The following FHIT variants were observed in gnomAD, a reference collection of about 807,000 sequenced individuals.
The protein encoded by FHIT is fragile histidine triad diadenosine triphosphatase.
FHIT carries 19 observed loss-of-function variants against 17.9 expected under a neutral mutation model. That is an observed-to-expected ratio of 1.06 (90% CI 0.74 to 1.56). FHIT has a LOEUF of 1.56. Among genes scored for constraint, FHIT ranks in the 40% most tolerant of loss-of-function variants. FHIT has a pLI of 0.00. For missense variants in FHIT, 248 were observed against 189.2 expected, an observed-to-expected ratio of 1.31 and a Z score of -1.82; for synonymous variants, 81 against 69.7, an observed-to-expected ratio of 1.16 and a Z score of -0.81.
intron 5 of FHIT, among the ~76,000 whole-genome samples, chr3:60,430,729 T>TA: frequency 6.6e-6 from 1 of 152,142 alleles, no homozygotes; most frequent in Non-Finnish European, 1.5e-5. Flanking sequence ...TTGATGACTC[T>TA]AAGCTTTTAC....
intron 4 of FHIT, among the ~76,000 whole-genome samples, chr3:60,800,657 C>T (rs940318235): frequency 6.6e-5 from 10 of 152,140 alleles, no homozygotes; most frequent in Middle Eastern, 3.2e-3. Flanking sequence ...AAATAGTGCC[C>T]TCAGGAGAAA....
chr3:60,886,357 T>G (rs760662132), intron 3 of FHIT, among the ~76,000 whole-genome samples: 6 of 152,224 alleles, frequency 3.9e-5, no homozygotes, highest in Non-Finnish European at 7.3e-5. Context: ...TGAGAAGAAC[T>G]TGAAAAACTA....
intron 3 of FHIT, among the ~76,000 whole-genome samples, chr3:60,889,047 C>A (rs1323944364): frequency 6.6e-6 from 1 of 152,114 alleles, no homozygotes; most frequent in Admixed American, 6.6e-5. Context: ...TACTCCACCC[C>A]GACTCATTCC....
intron 8 of FHIT, among the ~76,000 whole-genome samples, chr3:59,871,208 G>T (rs1197711135): frequency 1.3e-5 from 2 of 152,162 alleles, no homozygotes; most frequent in African/African-American, 4.8e-5. Flanking sequence ...GCAAGGAAGT[G>T]TGTACTCTGC....
intron 5 of FHIT, among the ~76,000 whole-genome samples, chr3:60,129,337 T>C (rs940173510): frequency 3.9e-5 from 6 of 152,146 alleles, no homozygotes; most frequent in Non-Finnish European, 7.4e-5. Flanking sequence ...CCACTGTGCC[T>C]GGCCTCTTCT....
intron 4 of FHIT, among the ~76,000 whole-genome samples, chr3:60,596,743 C>A (rs889627993): frequency 1.3e-5 from 2 of 152,160 alleles, no homozygotes; most frequent in Admixed American, 6.6e-5. Context: ...GGTAGAGACT[C>A]TGGAGTGTGA....
At chr3:60,178,377 G>A (rs570953055) in intron 5 of FHIT, among the ~76,000 whole-genome samples, 1 of 151,984 alleles carries the variant, frequency 6.6e-6, no homozygotes, top group Non-Finnish European at 1.5e-5. Flanking sequence ...ACCTCAGGTC[G>A]GGAGTTCGAG....
At chr3:61,214,766 C>G (rs1195317498) in intron 1 of FHIT, among the ~76,000 whole-genome samples, 2 of 152,228 alleles carry the variant, frequency 1.3e-5, no homozygotes, top group Admixed American at 6.5e-5. Context: ...CAATAAAATA[C>G]TGGCAAACCG....
At chr3:60,117,961 T>C (rs976352470) in intron 5 of FHIT, among the ~76,000 whole-genome samples, 1 of 152,166 alleles carries the variant, frequency 6.6e-6, no homozygotes, top group African/African-American at 2.4e-5. Context: ...GAATCACCTG[T>C]GGAGTTTGTT....
chr3:60,516,132 T>A (rs572824104), intron 5 of FHIT, among the ~76,000 whole-genome samples: 1 of 152,312 alleles, frequency 6.6e-6, no homozygotes, highest in South Asian at 2.1e-4. Flanking sequence ...CTTCACGCTG[T>A]TGAAAAATTG....
chr3:60,012,254 G>GT (rs1411614250), intron 6 of FHIT, among the ~76,000 whole-genome samples: 22 of 132,326 alleles, frequency 1.7e-4, no homozygotes, highest in East Asian at 7.6e-4. Flanking sequence ...TAAATCAGGT[G>GT]TTTTTTTTGT....
At position 60,156,314 on chromosome 3, in the gene FHIT, C is replaced by A. The variant is rs982218241; in HGVS notation, c.104-142162G>T. Reference sequence around the variant, plus strand: ...GCAGTGAGCCGAGATTGTGCCACTGCACTCCAGCCTGGGTGACAGAGTGAG... The same window carrying A: ...GCAGTGAGCCGAGATTGTGCCACTGAACTCCAGCCTGGGTGACAGAGTGAG... On this transcript the variant is annotated intron_variant, in intron 5 of 9. Transcript: ENST00000492590. 2.7e-5 allele frequency among the ~76,000 whole-genome samples: 4 copies of A among 149,772 alleles called. 1 individual carries two copies. The East Asian group carries it at 7.9e-4, about 30-fold the overall frequency.
intron 2 of FHIT, among the ~76,000 whole-genome samples, chr3:61,115,657 G>A (rs1388183680): frequency 3.9e-5 from 6 of 152,134 alleles, no homozygotes; most frequent in South Asian, 2.1e-4. Context: ...TAAAAGGATG[G>A]AAGTGCCATT....
At chr3:60,962,778 C>G (rs782011247) in intron 3 of FHIT, among the ~76,000 whole-genome samples, 1 of 152,174 alleles carries the variant, frequency 6.6e-6, no homozygotes, top group Non-Finnish European at 1.5e-5. Context: ...AGGGATGAAG[C>G]CAACTTGATC....
intron 3 of FHIT, among the ~76,000 whole-genome samples, chr3:60,834,904 T>C (rs1553743523): frequency 2.0e-5 from 3 of 151,840 alleles, no homozygotes; most frequent in African/African-American, 7.2e-5. Context: ...AAAAACTCTT[T>C]CACGGTGCAA....
intron 2 of FHIT, among the ~76,000 whole-genome samples, chr3:61,178,460 C>T (rs1273084462): frequency 1.3e-5 from 2 of 149,636 alleles, no homozygotes; most frequent in East Asian, 3.9e-4. Flanking sequence ...AAAACCATTA[C>T]GTATGTGGCC....
intron 8 of FHIT, among the ~76,000 whole-genome samples, chr3:59,777,035 C>A (rs1702357829): frequency 6.6e-6 from 1 of 152,160 alleles, no homozygotes; most frequent in African/African-American, 2.4e-5. Flanking sequence ...GCTCACTGTG[C>A]TCTCGTCACA....
At chr3:60,547,984 A>G (rs1179550650) in intron 4 of FHIT, among the ~76,000 whole-genome samples, 2 of 152,138 alleles carry the variant, frequency 1.3e-5, no homozygotes, top group Non-Finnish European at 2.9e-5. Context: ...TTAACATCCA[A>G]CTAAAGTAAC....
chr3:60,737,875 C>T lies in FHIT; in HGVS notation c.-18+84044G>A, dbSNP rs528987191. On this transcript the variant is annotated intron_variant, in intron 4 of 9. Transcript: ENST00000492590. ...TTTTATTGATTTTCCCCTAACCTAA[C>T]CCCAAAGCAAGGCCATTTACATAAG... 2.6e-4 allele frequency among the ~76,000 whole-genome samples: 39 copies of T among 152,278 alleles called. 1 individual carries two copies. Among genetic ancestry groups the T allele is most frequent in the African/African-American group, 8.9e-4 (37 of 41,558 alleles).
Sources: gnomAD v4.1 joint callset for allele counts (sites outside exome capture counted in the v4.1 genomes callset) on GRCh38, gnomAD v4.1.1 for gene constraint, MANE v1.5 for transcripts, NCBI Gene and HGNC (gene_info 2026-07-23, HGNC 2026-07-21) for gene names.